TOGARAM1: variants seen among roughly 807,000 people sequenced by gnomAD.
The protein encoded by TOGARAM1 is TOG array regulator of axonemal microtubules 1, also known as TOG array regulator of axonemal microtubules protein 1.
In TOGARAM1, 100 loss-of-function variants were observed where a neutral mutation model predicts 166.6. The ratio of observed to expected loss-of-function variants is 0.60; its 90% CI spans 0.51 to 0.71. The LOEUF (loss-of-function observed/expected upper bound fraction) is 0.71. TOGARAM1 is among the 30% of genes least tolerant of loss of function. TOGARAM1 has a pLI of 0.00. For synonymous variants in TOGARAM1, 758 were observed against 763.8 expected (o/e 0.99, Z 0.13); for missense variants, 2,029 against 2,102.7 (o/e 0.96, Z 0.69).
rs7153359 is a variant in TOGARAM1, at chr14:45,071,663, A to G, written c.4970-49A>G. On this transcript the variant is annotated intron_variant, in intron 18 of 19. Coordinates refer to ENST00000361462, the MANE Select transcript of TOGARAM1 (RefSeq NM_001308120.2). ...CAATGCTATGTAATGGAAAGTAACT[A>G]AGAGCTCATTACTCTTTAAACATGT... 0.013 allele frequency: 17,102 copies of G among 1,305,928 alleles called. 1,699 individuals are homozygous for G. The African/African-American group carries it at 0.22, about 17-fold the overall frequency. The allele number at this position is 1,305,928 out of a possible 1,614,324, so 80.9% of individuals were successfully genotyped here. A position where few individuals can be genotyped will look rare whatever the true frequency, so the allele number is the denominator to read the frequency against.
chr14:44,974,393 T>C (rs1177089888), intron 1 of TOGARAM1, among the ~76,000 whole-genome samples: 3 of 152,130 alleles, frequency 2.0e-5, no homozygotes, highest in Non-Finnish European at 4.4e-5. Context: ...TATATTATCC[T>C]TTTGTTCTTA....
chr14:45,024,552 A>T (rs1880715839), intron 7 of TOGARAM1, among the ~76,000 whole-genome samples: 1 of 152,106 alleles, frequency 6.6e-6, no homozygotes, highest in Non-Finnish European at 1.5e-5. Context: ...TATTTTTTTG[A>T]TGAGATTTGT....
At chr14:45,067,016 T>C (rs1883169730) in intron 17 of TOGARAM1, among the ~76,000 whole-genome samples, 1 of 152,216 alleles carries the variant, frequency 6.6e-6, no homozygotes, top group African/African-American at 2.4e-5. Flanking sequence ...TTTATATACC[T>C]TCTCTCTATA....
intron 7 of TOGARAM1, among the ~76,000 whole-genome samples, chr14:45,023,881 C>T (rs1880673445): frequency 6.6e-6 from 1 of 152,112 alleles, no homozygotes; most frequent in Admixed American, 6.5e-5. Context: ...GCTGAGAATA[C>T]AGGCATGCGC....
Position 44,963,493 on chromosome 14 carries a change from C to A in TOGARAM1, c.1072C>A (p.Arg358=). ...GATTATTCCTCAGGAGCTGCATTCA[C>A]GATTATTGGATCAGGAAGACTATAA... The part of the protein sequence containing the change: ...FGIIPQELHS[R]LLDQEDYKNR... Residue 358 remains arginine (R), a synonymous_variant, in exon 1 of 20, where the codon CGA becomes AGA. Transcript: ENST00000361462. 1 of 1,614,152 alleles carries A rather than the reference C, an allele frequency of 6.2e-7. No individual in the cohort carries two copies.
intron 1 of TOGARAM1, among the ~76,000 whole-genome samples, chr14:44,990,245 G>A (rs12889301): frequency 0.031 from 4,673 of 152,308 alleles, 94 homozygotes; most frequent in Non-Finnish European, 0.046. Context: ...CAAATAGACC[G>A]TAAAATCAAA....
At chr14:44,966,937 A>AAC (rs140925253) in intron 1 of TOGARAM1, among the ~76,000 whole-genome samples, 23,859 of 152,076 alleles carry the variant, frequency 0.16, 3,456 homozygotes, top group African/African-American at 0.38. Context: ...CAGCCTGCTC[A>AAC]AGAGTGAGAC....
Position 44,962,529 on chromosome 14 carries a change from T to G in TOGARAM1, c.108T>G (p.Ser36Arg). 6.2e-7 allele frequency: 1 copy of G among 1,613,560 alleles called. No homozygotes were observed. Among genetic ancestry groups the G allele is most frequent in the South Asian group, 1.1e-5 (1 of 91,026 alleles). ...SRPSAPETDDSRVGGIMRGEK... is the reference protein window; with the variant it reads ...SRPSAPETDDRRVGGIMRGEK... ...CTTCCGCCCCAGAGACCGATGATAG[T>G]CGAGTTGGGGGCATTATGAGAGGAG... The change falls in exon 1 of 20, where the codon AGT (serine) becomes AGG (arginine). Residue 36 changes from serine to arginine, a missense_variant. Physicochemically the swap from Ser to Arg is moderately radical, Grantham distance 110. Around this residue, in one of 2 missense-constraint regions of TOGARAM1, gnomAD observed 1,453 missense variants for 1,432.2 expected, o/e 1.01. Coordinates refer to ENST00000361462, the MANE Select transcript of TOGARAM1 (RefSeq NM_001308120.2).
rs1882079139 is a variant in TOGARAM1 at position 45,046,595 on chromosome 14, T to C, written c.4205T>C (p.Val1402Ala). The C allele has an allele frequency of 2.1e-6, 3 of 1,411,254 alleles. No homozygotes were observed. Among genetic ancestry groups the C allele is most frequent in the African/African-American group, 1.4e-5 (1 of 69,002 alleles). The allele number at this position is 1,411,254 out of a possible 1,614,324, so 87.4% of individuals were successfully genotyped here. A position where few individuals can be genotyped will look rare whatever the true frequency, so the allele number is the denominator to read the frequency against. The change falls in exon 14 of 20, where the codon GTA becomes GCA. Residue 1402 changes from valine (V) to alanine (A), a missense_variant. By Grantham distance (64) the Val-to-Ala change is moderately conservative. Transcript: ENST00000361462. ...RRCTAQHLSD[V>A]LEFMEPERIL... ...TGTACAGCCCAGCATTTATCAGATG[T>C]ATTGGAATTTATGGAACCAGAACGT...
chr14:44,969,110 T>TTCCTTCC (rs1885723888), intron 1 of TOGARAM1, among the ~76,000 whole-genome samples: 3 of 139,158 alleles, frequency 2.2e-5, no homozygotes, highest in African/African-American at 5.8e-5. Context: ...TCTTTCTTTC[T>TTCCTTCC]TTCCTTCCTT....
In TOGARAM1 at chr14:45,073,579, G is replaced by A. The variant is rs756119127; in HGVS notation, c.*18G>A. On this transcript the variant is annotated 3_prime_UTR_variant, in exon 20 of 20. Transcript: ENST00000361462. ...AATTATGAATCTTCGATAAAATACT[G>A]TATGATGAACAAAAGTGTTTACATG... The A allele has an allele frequency of 6.2e-7, 1 of 1,600,622 alleles. No homozygotes were observed. Among genetic ancestry groups the A allele is most frequent in the South Asian group, 1.1e-5 (1 of 89,768 alleles).
intron 1 of TOGARAM1, among the ~76,000 whole-genome samples, chr14:44,991,603 A>G (rs143641586): frequency 6.6e-6 from 1 of 152,350 alleles, no homozygotes; most frequent in East Asian, 1.9e-4. Flanking sequence ...GTAATAGTGA[A>G]AAGTCGTGGC....
intron 1 of TOGARAM1, among the ~76,000 whole-genome samples, chr14:44,988,449 C>T (rs1264476829): frequency 6.6e-6 from 1 of 152,084 alleles, no homozygotes; most frequent in East Asian, 1.9e-4. Context: ...CATGAAATAA[C>T]AAATTTTTCT....
chr14:45,043,866 T>A, intron 12 of TOGARAM1, 75 bp downstream of exon 12: 1 of 828,554 alleles, frequency 1.2e-6, no homozygotes, highest in Non-Finnish European at 2.0e-6. Flanking sequence ...ATTTGACCTT[T>A]AAAATTTTTA....
Position 45,018,471 on chromosome 14 carries a change from T to C in TOGARAM1, c.3238+6396T>C, listed in dbSNP as rs543400554. Among the ~76,000 whole-genome samples, 4 of 152,322 alleles carry C rather than the reference T, an allele frequency of 2.6e-5. No individual in the cohort carries two copies. The East Asian group carries it at 5.8e-4, about 22-fold the overall frequency. On this transcript the variant is annotated intron_variant, in intron 7 of 19. Coordinates refer to ENST00000361462, the MANE Select transcript of TOGARAM1 (RefSeq NM_001308120.2). ...GTTGGCTAGACTAGTCTCGAACTCC[T>C]GGCCTCAAGTGATCTACCTGCCTTG...
At chr14:45,065,188 TAGAA>T (rs1413286501) in intron 16 of TOGARAM1, among the ~76,000 whole-genome samples, 4 of 136,780 alleles carry the variant, frequency 2.9e-5, no homozygotes, top group African/African-American at 8.0e-5. Context: ...ATAAAATAGA[TAGAA>T]AGATAGAGTG....
At chr14:44,968,762 T>G (rs1266309213) in intron 1 of TOGARAM1, among the ~76,000 whole-genome samples, 1 of 152,228 alleles carries the variant, frequency 6.6e-6, no homozygotes, top group Non-Finnish European at 1.5e-5. Context: ...TGTTGTACAT[T>G]CTATGGGATT....
intron 5 of TOGARAM1, chr14:45,007,076 A>C (rs1326165714): frequency 6.6e-6 from 1 of 152,020 alleles, no homozygotes; most frequent in African/African-American, 2.4e-5. Context: ...GTTAAAAAAA[A>C]AGTTTTATAT....
rs1338770780 is a variant in TOGARAM1, at chr14:45,028,163, C to G, written c.3505-13C>G. On this transcript the variant is annotated splice_polypyrimidine_tract_variant and intron_variant, in intron 9 of 19. Coordinates refer to ENST00000361462, the MANE Select transcript of TOGARAM1 (RefSeq NM_001308120.2). The stretch of plus-strand genomic sequence containing the variant: ...TCCCTGAATATTTTCAGACTTTCAA[C>G]TTTTTCATGCAGGCTAAAGTTTCTA... 2 of 1,556,394 alleles carry G rather than the reference C, an allele frequency of 1.3e-6. No homozygotes were observed. The highest frequency in any genetic ancestry group is 1.7e-6 in the Non-Finnish European group (2 of 1,159,218).
Sources: allele counts gnomAD v4.1 joint callset (sites outside exome capture counted in the v4.1 genomes callset), GRCh38; gene constraint gnomAD v4.1.1; regional missense constraint gnomAD v4.1.1; transcripts MANE v1.5; gene names NCBI Gene and HGNC (gene_info 2026-07-23, HGNC 2026-07-21).